The following UGT1A6 variants were observed in gnomAD, a reference collection of about 807,000 sequenced individuals.
The protein encoded by UGT1A6 is UDP glucuronosyltransferase family 1 member A6, also known as UDP-glucuronosyltransferase 1A6.
A neutral mutation model predicts 44.4 loss-of-function variants in UGT1A6; 32 were observed. The observed-to-expected ratio is 0.72, with a 90% CI of 0.54 to 0.97. UGT1A6 has a LOEUF of 0.97. Ranked by LOEUF, UGT1A6 falls within the 50% of genes least tolerant of loss-of-function variation. UGT1A6 has a pLI of 0.00. For missense variants in UGT1A6, 685 were observed against 661.9 expected (o/e 1.03, Z -0.38); for synonymous variants, 238 against 248.5 (o/e 0.96, Z 0.40).
intron 2 of UGT1A6, 113 bp downstream of exon 2, chr2:233,767,278 T>A: frequency 6.3e-7 from 1 of 1,578,298 alleles, no homozygotes; most frequent in Non-Finnish European, 8.5e-7. Flanking sequence ...GGCTTTTCCC[T>A]GCCACTTCCC....
intron 1 of UGT1A6, chr2:233,729,964 A>G: frequency 6.2e-7 from 1 of 1,614,074 alleles, no homozygotes; most frequent in East Asian, 2.2e-5. Context: ...TGGGGGCATC[A>G]ACTGTGCCAA....
intron 1 of UGT1A6, chr2:233,730,056 T>G (rs1178732328): frequency 1.2e-6 from 2 of 1,611,614 alleles, no homozygotes. Flanking sequence ...AAAAATGTAT[T>G]TATTTAAAAT....
intron 1 of UGT1A6, chr2:233,717,818 C>G (rs565320763): frequency 4.4e-6 from 2 of 455,640 alleles, no homozygotes; most frequent in Non-Finnish European, 8.8e-6. Context: ...TTATGCAGCC[C>G]GTTCTGTTCT....
intron 1 of UGT1A6, among the ~76,000 whole-genome samples, chr2:233,736,321 A>G (rs1202722197): frequency 6.6e-6 from 1 of 152,088 alleles, no homozygotes; most frequent in Non-Finnish European, 1.5e-5. Context: ...AATTTTGTGC[A>G]TGTGTTATGA....
rs186890365 is a variant in UGT1A6, at chr2:233,713,915, T to C, written c.861+20050T>C. ...TCCAGGCAAAACACTTTTTAAAAAA[T>C]GTATTTACTTACAAGTGCTTCCATA... On this transcript the variant is annotated intron_variant, in intron 1 of 4. Coordinates refer to ENST00000305139, the MANE Select transcript of UGT1A6 (RefSeq NM_001072.4). The C allele has an allele frequency of 2.9e-3, 4,603 of 1,612,454 alleles. 7 individuals are homozygous for C. Among genetic ancestry groups the C allele is most frequent in the Non-Finnish European group, 3.4e-3 (3,989 of 1,179,862 alleles).
chr2:233,737,661 T>A (rs1326139467), intron 1 of UGT1A6, among the ~76,000 whole-genome samples: 2 of 152,214 alleles, frequency 1.3e-5, no homozygotes, highest in Non-Finnish European at 2.9e-5. Context: ...GAGCTGCAGA[T>A]CGGAGCTGTT....
chr2:233,761,067 T>A, intron 1 of UGT1A6: 1 of 1,614,228 alleles, frequency 6.2e-7, no homozygotes, highest in Non-Finnish European at 8.5e-7. Context: ...GAAGTGACTT[T>A]GTGAAGGATT....
At chr2:233,709,022 A>C (rs1052835676) in intron 1 of UGT1A6, among the ~76,000 whole-genome samples, 4 of 152,110 alleles carry the variant, frequency 2.6e-5, no homozygotes, top group Non-Finnish European at 5.9e-5. Flanking sequence ...CCCAAGCAGC[A>C]GGGGCTTCAG....
chr2:233,731,334 T>C (rs1331182525), intron 1 of UGT1A6, among the ~76,000 whole-genome samples: 1 of 151,782 alleles, frequency 6.6e-6, no homozygotes, highest in African/African-American at 2.4e-5. Context: ...TGTGCACAAA[T>C]TGCAGGTTTG....
At chr2:233,718,190 C>T (rs2076637077) in intron 1 of UGT1A6, among the ~76,000 whole-genome samples, 1 of 152,170 alleles carries the variant, frequency 6.6e-6, no homozygotes, top group African/African-American at 2.4e-5. Context: ...GCTCAGCCTC[C>T]CCGGAGCTTT....
chr2:233,693,545 A>G lies in UGT1A6; in HGVS notation c.541A>G (p.Thr181Ala), dbSNP rs2070959. ...FRGFPCSLEHTFSRSPDPVSY... is the reference protein window; with the variant it reads ...FRGFPCSLEHAFSRSPDPVSY... ...GGGTTTTCCGTGTTCCCTGGAGCATACATTCAGCAGAAGCCCAGACCCTGT... is the reference window on the plus strand; with the variant it reads ...GGGTTTTCCGTGTTCCCTGGAGCATGCATTCAGCAGAAGCCCAGACCCTGT... Residue 181 changes from threonine (T) to alanine (A), a missense_variant, in exon 1 of 5, where the codon ACA (threonine) becomes GCA (alanine). Transcript: ENST00000305139. The G allele has an allele frequency of 0.32, 515,475 of 1,613,956 alleles. 84,631 individuals are homozygous for G. Among genetic ancestry groups the G allele is most frequent in the South Asian group, 0.4 (36,504 of 91,082 alleles).
At chr2:233,705,180 T>G (rs1217775980) in intron 1 of UGT1A6, among the ~76,000 whole-genome samples, 1 of 151,938 alleles carries the variant, frequency 6.6e-6, no homozygotes, top group East Asian at 1.9e-4. Context: ...AGGGGAAGTA[T>G]GCATTGGTAC....
intron 1 of UGT1A6, chr2:233,747,172 C>G: frequency 6.3e-7 from 1 of 1,596,738 alleles, no homozygotes. Flanking sequence ...GTAGGAGGCA[C>G]AGCGTGGGGT....
intron 1 of UGT1A6, chr2:233,760,971 C>A (rs773436128): frequency 6.2e-7 from 1 of 1,614,154 alleles, no homozygotes; most frequent in Non-Finnish European, 8.5e-7. Context: ...TGGTTTATTC[C>A]CCGTATGCAA....
chr2:233,770,479 C>T (rs545055885), intron 4 of UGT1A6: 1 of 152,002 alleles, frequency 6.6e-6, no homozygotes, highest in Admixed American at 6.5e-5. Flanking sequence ...CATGAAGAAA[C>T]CTTATCTCTA....
intron 1 of UGT1A6, chr2:233,754,702 T>A (rs1695559968): frequency 5.8e-6 from 3 of 514,810 alleles, no homozygotes; most frequent in Non-Finnish European, 1.1e-5. Context: ...GAAGTCGACA[T>A]GGACTTGAAG....
intron 4 of UGT1A6, among the ~76,000 whole-genome samples, chr2:233,771,773 T>C (rs1700376889): frequency 6.6e-6 from 1 of 152,072 alleles, no homozygotes; most frequent in Non-Finnish European, 1.5e-5. Context: ...CGTCCCTCTC[T>C]CCTTTCCTCT....
rs753135501 is a variant in UGT1A6 at position 233,713,577 on chromosome 2, A to G, written c.861+19712A>G. 3.1e-6 allele frequency: 5 copies of G among 1,613,836 alleles called. No homozygotes were observed. The African/African-American group carries it at 5.3e-5, about 17-fold the overall frequency. ...TCCAAACCCTTCCTCCTATATTCCTAGATTACTAACGACCAATTCAGACCA... is the reference window on the plus strand; with the variant it reads ...TCCAAACCCTTCCTCCTATATTCCTGGATTACTAACGACCAATTCAGACCA... On this transcript the variant is annotated intron_variant, in intron 1 of 4. Coordinates refer to ENST00000305139, the MANE Select transcript of UGT1A6 (RefSeq NM_001072.4).
intron 1 of UGT1A6, among the ~76,000 whole-genome samples, chr2:233,712,367 C>CT (rs998199690): frequency 1.4e-4 from 22 of 152,290 alleles, no homozygotes; most frequent in African/African-American, 4.1e-4. Flanking sequence ...CTCCCTGCAG[C>CT]TTTTTTTATA....
Sources: gnomAD v4.1 joint callset for allele counts (sites outside exome capture counted in the v4.1 genomes callset) on GRCh38, gnomAD v4.1.1 for gene constraint, MANE v1.5 for transcripts, NCBI Gene and HGNC (gene_info 2026-07-23, HGNC 2026-07-21) for gene names.